The following TNRC6A variants were observed in gnomAD, a reference collection of about 807,000 sequenced individuals.
The protein encoded by TNRC6A is trinucleotide repeat containing adaptor 6A.
TNRC6A carries 44 observed loss-of-function variants against 221.2 expected under a neutral mutation model. The ratio of observed to expected loss-of-function variants is 0.20; its 90% confidence interval spans 0.16 to 0.26. The LOEUF is 0.26. TNRC6A is among the 10% of genes least tolerant of loss of function. The pLI, the probability that TNRC6A is intolerant of heterozygous loss-of-function variation, is 1.00. For missense variants in TNRC6A, 2,199 were observed against 2,404.4 expected, an observed-to-expected ratio of 0.91 and a Z score of 1.79; for synonymous variants, 847 against 838.5, an observed-to-expected ratio of 1.01 and a Z score of -0.18.
chr16:24,698,094 G>A (rs1027350638), intron 2 of TNRC6A, among the ~76,000 whole-genome samples: 6 of 151,114 alleles, frequency 4.0e-5, no homozygotes, highest in African/African-American at 1.2e-4. Flanking sequence ...TTGAGGGGCC[G>A]AGGCAGGAGG....
At chr16:24,653,933 C>A (rs1409080427) in intron 2 of TNRC6A, among the ~76,000 whole-genome samples, 1 of 152,166 alleles carries the variant, frequency 6.6e-6, no homozygotes, top group Non-Finnish European at 1.5e-5. Context: ...CAGACCAAGA[C>A]TTTCTCTGTG....
At chr16:24,695,485 C>A (rs771414165) in intron 2 of TNRC6A, among the ~76,000 whole-genome samples, 1 of 152,254 alleles carries the variant, frequency 6.6e-6, no homozygotes, top group Non-Finnish European at 1.5e-5. Flanking sequence ...CTGCAACCTC[C>A]GCCTCCTGGG....
At chr16:24,811,161 C>T (rs762633066) in intron 18 of TNRC6A, among the ~76,000 whole-genome samples, 4 of 152,106 alleles carry the variant, frequency 2.6e-5, no homozygotes, top group African/African-American at 9.7e-5. Flanking sequence ...GCTGAACAGG[C>T]GACGGTCCTG....
intron 2 of TNRC6A, among the ~76,000 whole-genome samples, chr16:24,641,547 A>G (rs1340087330): frequency 6.6e-6 from 1 of 152,176 alleles, no homozygotes; most frequent in Non-Finnish European, 1.5e-5. Flanking sequence ...TAGAGTAGAA[A>G]TGAAATCTGC....
At chr16:24,679,785 T>C (rs570371261) in intron 2 of TNRC6A, among the ~76,000 whole-genome samples, 1 of 152,002 alleles carries the variant, frequency 6.6e-6, no homozygotes, top group South Asian at 2.1e-4. Context: ...CAATTTTATT[T>C]TTTTTTAGAG....
At chr16:24,732,172 G>A (rs886677078) in intron 2 of TNRC6A, among the ~76,000 whole-genome samples, 2 of 152,200 alleles carry the variant, frequency 1.3e-5, no homozygotes, top group Admixed American at 6.5e-5. Context: ...AGCATTTCTT[G>A]CAGGTTAAAA....
At chr16:24,740,454 A>G (rs939912662) in intron 2 of TNRC6A, among the ~76,000 whole-genome samples, 3 of 151,950 alleles carry the variant, frequency 2.0e-5, no homozygotes, top group African/African-American at 7.3e-5. Flanking sequence ...ATCTTTTTCT[A>G]TTTATTTAGG....
chr16:24,792,562 A>G (rs952162398), intron 6 of TNRC6A, among the ~76,000 whole-genome samples: 3 of 133,298 alleles, frequency 2.3e-5, no homozygotes, highest in Admixed American at 8.0e-5. Context: ...AGAAGTATGT[A>G]TCTAAGATGA....
chr16:24,677,798 C>T (rs1052045448), intron 2 of TNRC6A, among the ~76,000 whole-genome samples: 7 of 152,144 alleles, frequency 4.6e-5, no homozygotes, highest in Admixed American at 1.3e-4. Flanking sequence ...ATCTGTTGGA[C>T]GAATGAATAA....
chr16:24,680,393 C>G (rs2055507476), intron 2 of TNRC6A, among the ~76,000 whole-genome samples: 1 of 151,332 alleles, frequency 6.6e-6, no homozygotes, highest in Non-Finnish European at 1.5e-5. Flanking sequence ...TGTACTCTAG[C>G]CTGGGTGACA....
chr16:24,666,639 G>GAAA (rs1164353374), intron 2 of TNRC6A, among the ~76,000 whole-genome samples: 46 of 31,498 alleles, frequency 1.5e-3, no homozygotes, highest in Non-Finnish European at 2.0e-3. Context: ...CTGTCTTAGA[G>GAAA]AAAAAAAAAA....
chr16:24,804,394 A>T, intron 12 of TNRC6A, 75 bp downstream of exon 12: 1 of 1,495,564 alleles, frequency 6.7e-7, no homozygotes. Context: ...CTAATATTTT[A>T]AAACCTTTTA....
chr16:24,701,653 A>T (rs1293794696), intron 2 of TNRC6A, among the ~76,000 whole-genome samples: 1 of 152,224 alleles, frequency 6.6e-6, no homozygotes, highest in Non-Finnish European at 1.5e-5. Flanking sequence ...GGCGTGAGCC[A>T]CAGTGCCCAG....
intron 2 of TNRC6A, among the ~76,000 whole-genome samples, chr16:24,680,499 C>T (rs1180294556): frequency 1.3e-5 from 2 of 151,634 alleles, no homozygotes; most frequent in East Asian, 3.9e-4. Flanking sequence ...GCAGGCAGAT[C>T]ATGAGGTCAG....
At chr16:24,683,327 G>A (rs146585699) in intron 2 of TNRC6A, among the ~76,000 whole-genome samples, 4,352 of 152,188 alleles carry the variant, frequency 0.029, 225 homozygotes, top group African/African-American at 0.099. Context: ...CTCCCAAGTA[G>A]GTGGGACTAC....
In TNRC6A at chr16:24,806,182, AC is replaced by A. The variant is rs760055520; in HGVS notation, c.4252-22del. 3 of 1,613,288 alleles carry A rather than the reference AC, an allele frequency of 1.9e-6. No individual in the cohort carries two copies. In the East Asian group the frequency reaches 6.7e-5, roughly 36 times the overall value. On this transcript the variant is annotated intron_variant, in intron 15 of 24. Transcript: ENST00000395799. ...ACTTTGTAATGGTGTGATAGTAACA[AC>A]CTTTTCGCTATCTTTCCTCTAGCGA...
At chr16:24,815,479 A>G in intron 19 of TNRC6A, 174 bp downstream of exon 19, 1 of 720,714 alleles carries the variant, frequency 1.4e-6, no homozygotes, top group Non-Finnish European at 2.4e-6. Flanking sequence ...TGGGCAAGTG[A>G]GTGTGTCAGC....
chr16:24,819,855 A>G (rs1046698304), intron 21 of TNRC6A: 8 of 413,384 alleles, frequency 1.9e-5, no homozygotes, highest in Non-Finnish European at 3.5e-5. Flanking sequence ...AGAGCAATTC[A>G]GATTGTTTTC....
chr16:24,790,188 G>A lies in TNRC6A; in HGVS notation c.1546G>A (p.Gly516Ser). The A allele has an allele frequency of 6.2e-7, 1 of 1,614,200 alleles. No individual in the cohort carries two copies. The highest frequency in any genetic ancestry group is 1.1e-5 in the South Asian group (1 of 91,084). Residue 516 changes from glycine (G) to serine (S), a missense_variant, in exon 6 of 25, where the codon GGC (glycine) becomes AGC (serine). Transcript: ENST00000395799. ...TAGCAATGGAGAGTCAAAAAGTGGA[G>A]GCTCTTATGGTACTACATGGGGTGC... ...HLSNGESKSG[G>S]SYGTTWGAYG...
Sources: gnomAD v4.1 joint callset for allele counts (sites outside exome capture counted in the v4.1 genomes callset) on GRCh38, gnomAD v4.1.1 for gene constraint, MANE v1.5 for transcripts, NCBI Gene and HGNC (gene_info 2026-07-23, HGNC 2026-07-21) for gene names.